Variants in HHLA2 observed in about 807,000 individuals in gnomAD.
HHLA2 encodes HHLA2 member of B7 family.
Under a neutral mutation model 45.9 loss-of-function variants are expected in HHLA2, and 48 were observed. The observed-to-expected ratio is 1.05, with a 90% CI of 0.83 to 1.33. The LOEUF is 1.33. HHLA2 is among the 40% of genes most tolerant of loss of function. The probability of loss-of-function intolerance (pLI) is 0.00; values close to 1 mark genes in which losing one functional copy is unlikely to be tolerated. For missense variants in HHLA2, 462 were observed against 494.3 expected (o/e 0.93, Z 0.62); for synonymous variants, 161 against 173.9 (o/e 0.93, Z 0.59).
At chr3:108,313,018 T>C (rs925072892) in intron 2 of HHLA2, among the ~76,000 whole-genome samples, 3 of 152,086 alleles carry the variant, frequency 2.0e-5, no homozygotes, top group Admixed American at 6.6e-5. Flanking sequence ...AGGAGAAAAG[T>C]GGTGCCTTGC....
chr3:108,306,983 G>A (rs1220996557), intron 1 of HHLA2, among the ~76,000 whole-genome samples: 1 of 152,062 alleles, frequency 6.6e-6, no homozygotes, highest in African/African-American at 2.4e-5. Flanking sequence ...AGGCTCCCAA[G>A]TATCTGGGAT....
intron 1 of HHLA2, among the ~76,000 whole-genome samples, chr3:108,297,005 G>A (rs1005507085): frequency 6.6e-6 from 1 of 152,200 alleles, no homozygotes; most frequent in African/African-American, 2.4e-5. Context: ...AAGATGCACT[G>A]CGTTCCATTC....
intron 2 of HHLA2, among the ~76,000 whole-genome samples, chr3:108,319,903 C>A (rs2081168917): frequency 6.6e-6 from 1 of 152,198 alleles, no homozygotes; most frequent in African/African-American, 2.4e-5. Flanking sequence ...CCCTGTGGAG[C>A]AGATTCGCCC....
rs2966572 is a variant in HHLA2 at position 108,315,421 on chromosome 3, T to C, written c.-105+4680T>C. 4.9e-3 allele frequency among the ~76,000 whole-genome samples: 751 copies of C among 152,310 alleles called. 9 individuals carry two copies. Among genetic ancestry groups the C allele is most frequent in the African/African-American group, 0.016 (670 of 41,568 alleles). On this transcript the variant is annotated intron_variant, in intron 2 of 10. Transcript: ENST00000619531. ...TCAGAGCAACTACCCTATCATTGCATGTGATATATGTCTTAAAGGCGTCAT... is the reference window on the plus strand; with the variant it reads ...TCAGAGCAACTACCCTATCATTGCACGTGATATATGTCTTAAAGGCGTCAT...
chr3:108,359,654 C>T (rs1560262433), intron 7 of HHLA2, among the ~76,000 whole-genome samples: 1 of 152,140 alleles, frequency 6.6e-6, no homozygotes, highest in Non-Finnish European at 1.5e-5. Context: ...ATGGGGGAAC[C>T]TGAGGGTCAC....
At chr3:108,332,554 G>A (rs1213801937) in intron 3 of HHLA2, among the ~76,000 whole-genome samples, 1 of 152,144 alleles carries the variant, frequency 6.6e-6, no homozygotes, top group Non-Finnish European at 1.5e-5. Context: ...TAGAGTTGCT[G>A]AGACAAAGCT....
intron 8 of HHLA2, among the ~76,000 whole-genome samples, chr3:108,364,347 T>A (rs1446832394): frequency 2.6e-5 from 4 of 152,270 alleles, no homozygotes; most frequent in Admixed American, 2.6e-4. Context: ...GACTGCATAG[T>A]ATTCCATGGT....
At chr3:108,368,925 A>T (rs749263969) in intron 8 of HHLA2, among the ~76,000 whole-genome samples, 11 of 152,192 alleles carry the variant, frequency 7.2e-5, no homozygotes, top group Non-Finnish European at 1.6e-4. Flanking sequence ...CAGAATATAC[A>T]TTCTTCTCAG....
intron 8 of HHLA2, among the ~76,000 whole-genome samples, chr3:108,363,652 G>C (rs2082015662): frequency 6.6e-6 from 1 of 152,164 alleles, no homozygotes. Flanking sequence ...AGTCTAGCCT[G>C]TCCACGAAGA....
At chr3:108,338,716 A>C (rs1467273189) in intron 3 of HHLA2, among the ~76,000 whole-genome samples, 4 of 152,172 alleles carry the variant, frequency 2.6e-5, no homozygotes, top group Non-Finnish European at 4.4e-5. Flanking sequence ...CACCTTGGAC[A>C]GGTTGCCATG....
rs542351449 is a variant in HHLA2, at chr3:108,375,717, C to T, written c.1109-33C>T. On this transcript the variant is annotated intron_variant, in intron 8 of 10. Transcript: ENST00000619531. Reference sequence around the variant, plus strand: ...GGGAAACAGCTGGGAGAGTAAATACCTAATTTCACTCTTCCCTGTCTCTGA... The same window carrying T: ...GGGAAACAGCTGGGAGAGTAAATACTTAATTTCACTCTTCCCTGTCTCTGA... 5 of 1,603,776 alleles carry T rather than the reference C, an allele frequency of 3.1e-6. No homozygotes were observed. The East Asian group carries it at 1.1e-4, about 36-fold the overall frequency.
chr3:108,323,971 C>A (rs1244305932), intron 2 of HHLA2, among the ~76,000 whole-genome samples: 1 of 152,120 alleles, frequency 6.6e-6, no homozygotes, highest in East Asian at 1.9e-4. Flanking sequence ...ATCTTTTGAA[C>A]AAATTTAGCA....
intron 8 of HHLA2, among the ~76,000 whole-genome samples, chr3:108,363,289 T>G (rs1277805929): frequency 1.3e-5 from 2 of 152,156 alleles, no homozygotes; most frequent in African/African-American, 4.8e-5. Context: ...CAAGTAGGCA[T>G]GTGAAACAGA....
rs9874204 is a variant in HHLA2 at position 108,376,280 on chromosome 3, G to T, written c.1160-213G>T. On this transcript the variant is annotated intron_variant, in intron 9 of 10. Transcript: ENST00000619531. The stretch of plus-strand genomic sequence containing the variant: ...GCTGACTGAACTGCCTTTATTCCCC[G>T]GCTTTGGAGCACCTGGATCAACCAT... Among the ~76,000 whole-genome samples the T allele has an allele frequency of 1.8e-3, 271 of 152,178 alleles. 2 individuals carry two copies. The highest frequency in any genetic ancestry group is 6.0e-3 in the African/African-American group (248 of 41,532).
intron 3 of HHLA2, among the ~76,000 whole-genome samples, chr3:108,345,545 G>T (rs2081645813): frequency 1.3e-5 from 2 of 152,112 alleles, no homozygotes; most frequent in African/African-American, 2.4e-5. Context: ...CCCTCAACTG[G>T]TTAGACAAAA....
At chr3:108,343,827 A>G (rs1178571226) in intron 3 of HHLA2, among the ~76,000 whole-genome samples, 1 of 152,252 alleles carries the variant, frequency 6.6e-6, no homozygotes, top group Non-Finnish European at 1.5e-5. Flanking sequence ...TGGAATTCTG[A>G]TATCAGGAGT....
chr3:108,367,868 T>C (rs572049044), intron 8 of HHLA2, among the ~76,000 whole-genome samples: 59 of 152,156 alleles, frequency 3.9e-4, no homozygotes, highest in African/African-American at 1.4e-3. Flanking sequence ...ACCACTAAAA[T>C]ACTCCTTGAG....
At chr3:108,322,307 A>C (rs2081217233) in intron 2 of HHLA2, among the ~76,000 whole-genome samples, 1 of 152,142 alleles carries the variant, frequency 6.6e-6, no homozygotes, top group South Asian at 2.1e-4. Context: ...CCTTAACTCT[A>C]ATCTGTGCCT....
intron 7 of HHLA2, among the ~76,000 whole-genome samples, chr3:108,361,395 C>T (rs556057699): frequency 5.9e-5 from 9 of 152,230 alleles, no homozygotes; most frequent in African/African-American, 2.2e-4. Flanking sequence ...CCTGTTAGCC[C>T]TCCTGGTAAT....
Sources: allele counts gnomAD v4.1 joint callset (sites outside exome capture counted in the v4.1 genomes callset), GRCh38; gene constraint gnomAD v4.1.1; transcripts MANE v1.5; gene names NCBI Gene and HGNC (gene_info 2026-07-23, HGNC 2026-07-21).